ADGRV1: variants seen among roughly 807,000 people sequenced by gnomAD.
ADGRV1 encodes G-protein coupled receptor 98.
ADGRV1 carries 359 observed loss-of-function variants against 596.2 expected under a neutral mutation model. The ratio of observed to expected loss-of-function variants is 0.60; its 90% CI spans 0.55 to 0.66. The LOEUF (loss-of-function observed/expected upper bound fraction) is 0.66. Ranked by LOEUF, ADGRV1 falls within the 30% of genes least tolerant of loss-of-function variation. The pLI, the probability that ADGRV1 is intolerant of heterozygous loss-of-function variation, is 0.00. For synonymous variants in ADGRV1, 2,681 were observed against 2,679.2 expected (o/e 1.00, Z -0.02); for missense variants, 7,274 against 7,575.6 (o/e 0.96, Z 1.48).
chr5:91,053,468 C>G (rs202155721), intron 85 of ADGRV1, among the ~76,000 whole-genome samples: 1 of 152,156 alleles, frequency 6.6e-6, no homozygotes, highest in Non-Finnish European at 1.5e-5. Flanking sequence ...TAATTGTTAT[C>G]TTCCTGAAAA....
chr5:90,722,044 G>A (rs561344376), intron 45 of ADGRV1, among the ~76,000 whole-genome samples: 25 of 152,286 alleles, frequency 1.6e-4, no homozygotes, highest in African/African-American at 5.5e-4. Context: ...GAAAGCCTTC[G>A]AGTGGTTTAG....
intron 50 of ADGRV1, among the ~76,000 whole-genome samples, chr5:90,738,657 T>A (rs1753564840): frequency 1.3e-5 from 2 of 152,220 alleles, no homozygotes; most frequent in Non-Finnish European, 1.5e-5. Flanking sequence ...CTGCAGGGTT[T>A]CTGCTGAGAA....
At chr5:90,801,489 AG>A (rs1355628235) in intron 70 of ADGRV1, among the ~76,000 whole-genome samples, 4 of 151,866 alleles carry the variant, frequency 2.6e-5, no homozygotes, top group Non-Finnish European at 5.9e-5. Flanking sequence ...CTCTTACAGG[AG>A]AGGTGCGATA....
chr5:91,030,611 G>A (rs1784403246), intron 85 of ADGRV1, among the ~76,000 whole-genome samples: 1 of 151,968 alleles, frequency 6.6e-6, no homozygotes, highest in Admixed American at 6.6e-5. Flanking sequence ...TTATGATCAT[G>A]TGTAGACCTT....
chr5:91,040,805 ATAT>A (rs1165911598), intron 85 of ADGRV1, among the ~76,000 whole-genome samples: 1 of 152,190 alleles, frequency 6.6e-6, no homozygotes, highest in African/African-American at 2.4e-5. Context: ...AGGTTTGTTA[ATAT>A]TATAAGTTAT....
intron 85 of ADGRV1, among the ~76,000 whole-genome samples, chr5:91,036,800 C>T (rs929722047): frequency 6.6e-5 from 10 of 152,012 alleles, no homozygotes; most frequent in East Asian, 1.9e-4. Flanking sequence ...TCACAATGCC[C>T]GTGAAGCACA....
intron 4 of ADGRV1, among the ~76,000 whole-genome samples, chr5:90,621,224 A>T (rs932023781): frequency 2.0e-5 from 3 of 152,150 alleles, no homozygotes; most frequent in African/African-American, 7.2e-5. Flanking sequence ...ACACGTTGCA[A>T]TACTTCCCAG....
intron 83 of ADGRV1, among the ~76,000 whole-genome samples, chr5:90,893,473 A>G (rs1353085686): frequency 6.6e-6 from 1 of 152,128 alleles, no homozygotes; most frequent in Non-Finnish European, 1.5e-5. Context: ...GGTGGGGATC[A>G]CTGGGGCCGT....
intron 59 of ADGRV1, 42 bp downstream of exon 59, chr5:90,763,511 G>A (rs1257584394): frequency 6.4e-7 from 1 of 1,559,508 alleles, no homozygotes; most frequent in Admixed American, 1.7e-5. Flanking sequence ...TCCCCAATTT[G>A]TCTTTGATTT....
intron 72 of ADGRV1, 77 bp from the exon 73 acceptor site, chr5:90,807,525 A>G: frequency 1.5e-6 from 2 of 1,367,014 alleles, no homozygotes; most frequent in Non-Finnish European, 2.0e-6. Flanking sequence ...AAAATACACT[A>G]CTACAGTTTT....
chr5:90,707,979 C>A (rs1748831642), intron 38 of ADGRV1, among the ~76,000 whole-genome samples: 1 of 151,976 alleles, frequency 6.6e-6, no homozygotes, highest in African/African-American at 2.4e-5. Context: ...TCATGTTGGT[C>A]CATATATTAC....
intron 25 of ADGRV1, among the ~76,000 whole-genome samples, chr5:90,678,264 C>T (rs1744503024): frequency 1.3e-5 from 2 of 152,046 alleles, no homozygotes; most frequent in South Asian, 2.1e-4. Context: ...GAAGCGTATA[C>T]GTATGGATGT....
chr5:90,880,919 A>G (rs183275505), intron 83 of ADGRV1, among the ~76,000 whole-genome samples: 16 of 152,338 alleles, frequency 1.1e-4, no homozygotes, highest in Admixed American at 7.8e-4. Flanking sequence ...TATGTAGTCC[A>G]TTCCTAATCA....
At chr5:90,898,070 A>G (rs1483047329) in intron 83 of ADGRV1, among the ~76,000 whole-genome samples, 3 of 152,192 alleles carry the variant, frequency 2.0e-5, no homozygotes, top group Non-Finnish European at 2.9e-5. Context: ...GTGTCCCCTA[A>G]GAAGCACTCT....
intron 58 of ADGRV1, among the ~76,000 whole-genome samples, chr5:90,762,063 G>A (rs1756570765): frequency 1.3e-5 from 2 of 152,164 alleles, no homozygotes; most frequent in African/African-American, 4.8e-5. Context: ...TTAACAAGCT[G>A]TTCACAAGGG....
At chr5:90,787,524 A>T (rs1242624659) in intron 67 of ADGRV1, among the ~76,000 whole-genome samples, 1 of 151,612 alleles carries the variant, frequency 6.6e-6, no homozygotes, top group Admixed American at 6.6e-5. Flanking sequence ...TGTGATGACA[A>T]ATTATTCATG....
At chr5:90,623,109 C>A (rs1764307359) in intron 5 of ADGRV1, among the ~76,000 whole-genome samples, 1 of 152,176 alleles carries the variant, frequency 6.6e-6, no homozygotes, top group Non-Finnish European at 1.5e-5. Context: ...ATCAAAGTTC[C>A]TTGTATAATA....
At chr5:90,976,316 G>GTATATATA (rs1434888267) in intron 84 of ADGRV1, among the ~76,000 whole-genome samples, 3 of 121,476 alleles carry the variant, frequency 2.5e-5, no homozygotes, top group African/African-American at 1.0e-4. Context: ...GTGTGTGTGT[G>GTATATATA]TGTGTGTATA....
In ADGRV1 at chr5:90,855,752, ACAGT is replaced by A. The variant is rs763972033; in HGVS notation, c.17611_17614del (p.Gln5871PhefsTer70). ...TGTTTTTGCCCTAGCTGGTTGTCTG[ACAGT>A]CAGTTTTGCAAAGTGGTTGAGGAAA... On this transcript the variant is annotated frameshift_variant, in exon 82 of 90. Transcript: ENST00000405460. LOFTEE classifies it high-confidence loss of function. 1.9e-6 allele frequency: 3 copies of A among 1,580,064 alleles called. No individual in the cohort carries two copies. The highest frequency in any genetic ancestry group is 1.4e-5 in the African/African-American group (1 of 73,936).
Sources: allele counts gnomAD v4.1 joint callset (sites outside exome capture counted in the v4.1 genomes callset), GRCh38; gene constraint gnomAD v4.1.1; transcripts MANE v1.5; gene names NCBI Gene and HGNC (gene_info 2026-07-23, HGNC 2026-07-21).